UMAD1: variants seen among roughly 807,000 people sequenced by gnomAD.
The protein encoded by UMAD1 is UBAP1-MVB12-associated (UMA) domain containing 1, also known as UBAP1-MVB12-associated (UMA)-domain containing protein 1.
In UMAD1, 8 loss-of-function variants were observed where a neutral mutation model predicts 6.1. The observed-to-expected ratio is 1.30, with a 90% confidence interval of 0.76 to 2.35. The LOEUF is 2.35. UMAD1 is among the 30% of genes most tolerant of loss of function. The pLI is 0.00. For synonymous variants in UMAD1, 56 were observed against 31.4 expected, an observed-to-expected ratio of 1.78 and a Z score of -2.61; for missense variants, 130 against 78.4, an observed-to-expected ratio of 1.66 and a Z score of -2.49.
At chr7:7,811,901 G>A (rs1041210236) in intron 3 of UMAD1, among the ~76,000 whole-genome samples, 1 of 125,998 alleles carries the variant, frequency 7.9e-6, no homozygotes, top group Non-Finnish European at 1.7e-5. Flanking sequence ...AAAATACGTT[G>A]TTATTTCTTT....
intron 2 of UMAD1, among the ~76,000 whole-genome samples, chr7:7,798,332 C>G: frequency 6.6e-6 from 1 of 152,170 alleles, no homozygotes; most frequent in East Asian, 1.9e-4. Context: ...TTTACTCACT[C>G]TAAATAAAAA....
intron 2 of UMAD1, among the ~76,000 whole-genome samples, chr7:7,696,182 T>G (rs1780311755): frequency 6.6e-6 from 1 of 151,686 alleles, no homozygotes; most frequent in Admixed American, 6.6e-5. Context: ...ATTTTTTTAT[T>G]TTTTGTAGAG....
chr7:7,655,923 C>T (rs1785330379), intron 1 of UMAD1, among the ~76,000 whole-genome samples: 1 of 152,144 alleles, frequency 6.6e-6, no homozygotes, highest in African/African-American at 2.4e-5. Flanking sequence ...GCAACCTCCA[C>T]CTCCTGGGTT....
chr7:7,674,999 T>A (rs917060379), intron 2 of UMAD1, among the ~76,000 whole-genome samples: 4 of 152,076 alleles, frequency 2.6e-5, no homozygotes, highest in African/African-American at 4.8e-5. Flanking sequence ...CTGTTGTTTT[T>A]ATTATATATG....
intron 2 of UMAD1, among the ~76,000 whole-genome samples, chr7:7,700,212 A>C (rs1287498044): frequency 6.6e-6 from 1 of 152,218 alleles, no homozygotes; most frequent in Non-Finnish European, 1.5e-5. Context: ...TTCTGTTCAT[A>C]GATGGCACTT....
intron 3 of UMAD1, among the ~76,000 whole-genome samples, chr7:7,839,480 G>T (rs1412817475): frequency 6.6e-6 from 1 of 152,122 alleles, no homozygotes; most frequent in Admixed American, 6.5e-5. Flanking sequence ...CACCAAACCC[G>T]GCCAGATGAA....
At chr7:7,834,275 A>G (rs1280940051) in intron 3 of UMAD1, among the ~76,000 whole-genome samples, 1 of 151,998 alleles carries the variant, frequency 6.6e-6, no homozygotes, top group Non-Finnish European at 1.5e-5. Context: ...CACCCGCCTC[A>G]GCCTCCCAAA....
chr7:7,656,321 T>G (rs917490986), intron 1 of UMAD1, among the ~76,000 whole-genome samples: 19 of 152,300 alleles, frequency 1.2e-4, no homozygotes, highest in African/African-American at 4.6e-4. Flanking sequence ...AAAATTTTTT[T>G]TTTGTTTTAT....
At chr7:7,713,343 C>G (rs1276611024) in intron 2 of UMAD1, among the ~76,000 whole-genome samples, 2 of 151,222 alleles carry the variant, frequency 1.3e-5, no homozygotes, top group Non-Finnish European at 2.9e-5. Flanking sequence ...GACTCCATCT[C>G]AAAACAAAAC....
At chr7:7,756,643 T>C (rs1430926393) in intron 2 of UMAD1, among the ~76,000 whole-genome samples, 1 of 152,240 alleles carries the variant, frequency 6.6e-6, no homozygotes, top group African/African-American at 2.4e-5. Context: ...TGCTTTTTAC[T>C]AGATGTCTCT....
Position 7,660,741 on chromosome 7 carries a change from C to T in UMAD1, c.-63-12568C>T, listed in dbSNP as rs539643888. 7.2e-5 allele frequency among the ~76,000 whole-genome samples: 11 copies of T among 152,226 alleles called. No homozygotes were observed. The South Asian group carries it at 2.3e-3, about 32-fold the overall frequency. On this transcript the variant is annotated intron_variant, in intron 1 of 3. Coordinates refer to ENST00000682710, the MANE Select transcript of UMAD1 (RefSeq NM_001302348.2). ...CTCTGGCTGCCCTTAACATTTTTTC[C>T]TTCATTTCAACCTTGGTGAATCTGG... is the stretch of plus-strand genomic sequence containing the variant.
At chr7:7,643,644 G>C (rs1785026439) in intron 1 of UMAD1, among the ~76,000 whole-genome samples, 2 of 151,704 alleles carry the variant, frequency 1.3e-5, no homozygotes. Context: ...CCCGAGAGGC[G>C]GAGCTTGCAG....
intron 3 of UMAD1, among the ~76,000 whole-genome samples, chr7:7,814,063 A>C (rs938120963): frequency 6.6e-6 from 1 of 151,636 alleles, no homozygotes; most frequent in African/African-American, 2.4e-5. Context: ...GGCTCACTGC[A>C]ACTTCCGCCT....
chr7:7,641,267 A>G (rs898960251), intron 1 of UMAD1: 22 of 152,226 alleles, frequency 1.4e-4, no homozygotes, highest in Admixed American at 1.4e-3. Flanking sequence ...TCACCCCGCT[A>G]ACCCCTCCGT....
intron 2 of UMAD1, chr7:7,687,085 C>T (rs561274562): frequency 6.6e-6 from 1 of 152,304 alleles, no homozygotes; most frequent in Non-Finnish European, 1.5e-5. Context: ...AAGTTCTGTT[C>T]TGTTTGAGCA....
rs530030350 is a variant in UMAD1 at position 7,751,063 on chromosome 7, A to G, written c.83-50607A>G. Among the ~76,000 whole-genome samples the G allele has an allele frequency of 2.7e-4, 41 of 152,332 alleles. 1 individual carries two copies. The highest frequency in any genetic ancestry group is 1.7e-3 in the South Asian group (8 of 4,824). Reference sequence around the variant, plus strand: ...GTTGAGACTTCTACTTTATTTATCCATTTGATATTATGCAGGCTTCTCTTT... The same window carrying G: ...GTTGAGACTTCTACTTTATTTATCCGTTTGATATTATGCAGGCTTCTCTTT... On this transcript the variant is annotated intron_variant, in intron 2 of 3. Coordinates refer to ENST00000682710, the MANE Select transcript of UMAD1 (RefSeq NM_001302348.2).
rs1346418418 is a variant in UMAD1 at position 7,718,432 on chromosome 7, A to C, written c.82+44979A>C. 3.3e-5 allele frequency: 5 copies of C among 152,238 alleles called. No individual in the cohort carries two copies. In the East Asian group the frequency reaches 9.6e-4, roughly 29 times the overall value. 9.4% of individuals were successfully genotyped at this position (152,238 alleles called of 1,614,324 possible). On this transcript the variant is annotated intron_variant, in intron 2 of 3. Transcript: ENST00000682710. ...AGTAAAAATGCATAATCTAAACTTG[A>C]CTATGTGTGTCTTCAAAATAATACC...
At chr7:7,857,130 T>A (rs1232779035) in intron 3 of UMAD1, among the ~76,000 whole-genome samples, 1 of 152,170 alleles carries the variant, frequency 6.6e-6, no homozygotes, top group Non-Finnish European at 1.5e-5. Flanking sequence ...TACACACGGG[T>A]CTTTTAAAAA....
At chr7:7,840,468 G>A (rs376638932) in intron 3 of UMAD1, among the ~76,000 whole-genome samples, 7 of 122,400 alleles carry the variant, frequency 5.7e-5, no homozygotes, top group East Asian at 4.2e-4. Context: ...TGATTGTAGC[G>A]TGCATTTAGG....
Sources: allele counts gnomAD v4.1 joint callset (sites outside exome capture counted in the v4.1 genomes callset), GRCh38; gene constraint gnomAD v4.1.1; transcripts MANE v1.5; gene names NCBI Gene and HGNC (gene_info 2026-07-23, HGNC 2026-07-21).